Variants in NCOA3 observed in about 807,000 individuals in gnomAD.
NCOA3 encodes the protein CBP-interacting protein.
Under a neutral mutation model 158.8 loss-of-function variants are expected in NCOA3, and 51 were observed. The observed-to-expected ratio is 0.32, with a 90% CI of 0.26 to 0.41. The LOEUF (loss-of-function observed/expected upper bound fraction) is 0.41. NCOA3 is among the 10% of genes least tolerant of loss of function. The pLI is 1.00. For synonymous variants in NCOA3, 537 were observed against 592.4 expected (o/e 0.91, Z 1.36); for missense variants, 1,510 against 1,746.6 (o/e 0.86, Z 2.41).
rs2086563097 is a variant in NCOA3 at position 47,639,062 on chromosome 20, T to C, written c.2567T>C (p.Val856Ala). 2.5e-6 allele frequency: 4 copies of C among 1,614,198 alleles called. No homozygotes were observed. Among genetic ancestry groups the C allele is most frequent in the Non-Finnish European group, 3.4e-6 (4 of 1,180,036 alleles). The part of the protein sequence containing the change: ...QSIRPPYNRA[V>A]SLDSPVSVGS... ...ATTCGTCCTCCATATAACCGAGCAGTGTCTCTGGATAGCCCTGTTTCTGTT... is the reference window on the plus strand; with the variant it reads ...ATTCGTCCTCCATATAACCGAGCAGCGTCTCTGGATAGCCCTGTTTCTGTT... Residue 856 changes from valine to alanine, a missense_variant, in exon 14 of 23, where the codon GTG becomes GCG. Around this residue, in one of 4 missense-constraint regions of NCOA3, gnomAD observed 1,017 missense variants for 1,098.3 expected, o/e 0.93. Transcript: ENST00000371998.
chr20:47,603,499 C>T (rs1029504226), intron 2 of NCOA3, among the ~76,000 whole-genome samples: 8 of 152,208 alleles, frequency 5.3e-5, no homozygotes, highest in African/African-American at 1.9e-4. Flanking sequence ...TTTGCTTTGC[C>T]GACCATGGAC....
At chr20:47,534,233 T>C (rs2146113519) in intron 1 of NCOA3, among the ~76,000 whole-genome samples, 1 of 151,082 alleles carries the variant, frequency 6.6e-6, no homozygotes, top group African/African-American at 2.4e-5. Context: ...TCTTTTATTG[T>C]GTCCTTCCTG....
chr20:47,653,136 C>T (rs760220501), intron 22 of NCOA3, 64 bp downstream of exon 22: 4 of 1,550,114 alleles, frequency 2.6e-6, no homozygotes, highest in Non-Finnish European at 3.5e-6. Context: ...GAACTAAAGC[C>T]TAGGCTATAA....
At chr20:47,578,640 C>T (rs375254994) in intron 1 of NCOA3, among the ~76,000 whole-genome samples, 2 of 152,198 alleles carry the variant, frequency 1.3e-5, no homozygotes, top group African/African-American at 4.8e-5. Context: ...TAAATAATCC[C>T]AACTGCAAAA....
At chr20:47,534,030 A>G (rs1238738291) in intron 1 of NCOA3, among the ~76,000 whole-genome samples, 1 of 146,672 alleles carries the variant, frequency 6.8e-6, no homozygotes, top group Non-Finnish European at 1.5e-5. Flanking sequence ...TTATGGCAAG[A>G]GAGGTGATAA....
rs6018553 is a variant in NCOA3 at position 47,567,861 on chromosome 20, G to A, written c.-98-15322G>A. ...GCTGGGATTACAGGTGTGAGCCACC[G>A]TGCCAGGCCAATTATTTTACTTTCT... On this transcript the variant is annotated intron_variant, in intron 1 of 22. Transcript: ENST00000371998. Among the ~76,000 whole-genome samples the A allele has an allele frequency of 7.3e-3, 1,109 of 152,140 alleles. 23 individuals are homozygous for A. The highest frequency in any genetic ancestry group is 0.025 in the African/African-American group (1,052 of 41,494).
chr20:47,529,046 C>T (rs139987313), intron 1 of NCOA3, among the ~76,000 whole-genome samples: 9,231 of 151,952 alleles, frequency 0.061, 364 homozygotes, highest in Non-Finnish European at 0.089. Context: ...GGATTACAGG[C>T]GTGAGCCACT....
rs1004007733 is a variant in NCOA3 at position 47,558,248 on chromosome 20, T to A, written c.-98-24935T>A. 1.0e-3 allele frequency among the ~76,000 whole-genome samples: 146 copies of A among 141,790 alleles called. 1 individual carries two copies. The highest frequency in any genetic ancestry group is 3.5e-3 in the Middle Eastern group (1 of 288). The allele number at this position is 141,790 out of a possible 152,430, so 93.0% of individuals were successfully genotyped here. A position where few individuals can be genotyped will look rare whatever the true frequency, so the allele number is the denominator to read the frequency against. Reference sequence around the variant, plus strand: ...TAATTTTGTATTTTTTTTTTTTTTTTTTTTTTTTTTTTTAGTAGAGATGGG... The same window carrying A: ...TAATTTTGTATTTTTTTTTTTTTTTATTTTTTTTTTTTTAGTAGAGATGGG... On this transcript the variant is annotated intron_variant, in intron 1 of 22. Transcript: ENST00000371998.
chr20:47,646,587 A>G, intron 17 of NCOA3, among the ~76,000 whole-genome samples: 1 of 152,214 alleles, frequency 6.6e-6, no homozygotes, highest in Admixed American at 6.5e-5. Flanking sequence ...TCACCAGCGG[A>G]TGAGAGCACC....
At chr20:47,644,759 G>A (rs1043413512) in intron 17 of NCOA3, among the ~76,000 whole-genome samples, 13 of 151,858 alleles carry the variant, frequency 8.6e-5, no homozygotes, top group Admixed American at 2.0e-4. Context: ...GTGCAGAAGC[G>A]TGATCTCGGC....
rs1474378909 is a variant in NCOA3, at chr20:47,636,142, C to T, written c.1756C>T (p.Gln586Ter). 3 of 1,614,160 alleles carry T rather than the reference C, an allele frequency of 1.9e-6. No homozygotes were observed. The highest frequency in any genetic ancestry group is 2.5e-6 in the Non-Finnish European group (3 of 1,180,036). The change falls in exon 12 of 23, where the codon CAG becomes TAG. Residue 586 changes from glutamine (Q) to a stop codon, truncating the protein, a stop_gained. Coordinates refer to ENST00000371998, the MANE Select transcript of NCOA3 (RefSeq NM_181659.3). LOFTEE classifies it high-confidence loss of function. ...AAATCCAGTGGAGAGTTCAATGTGT[C>T]AGTCAAATAGCAGAGATCACCTCAG... is the stretch of plus-strand genomic sequence containing the variant. The part of the protein sequence containing the change: ...DQNPVESSMC[Q>*]SNSRDHLSDK...
intron 1 of NCOA3, among the ~76,000 whole-genome samples, chr20:47,524,647 G>C (rs946271111): frequency 5.3e-5 from 8 of 152,190 alleles, no homozygotes; most frequent in African/African-American, 1.9e-4. Context: ...AAGCTCCCTG[G>C]TACAGAGACA....
At chr20:47,614,509 C>G (rs1053414310) in intron 2 of NCOA3, among the ~76,000 whole-genome samples, 3 of 152,156 alleles carry the variant, frequency 2.0e-5, no homozygotes, top group African/African-American at 7.2e-5. Flanking sequence ...TCAAGAAATA[C>G]ACCAAACCTC....
chr20:47,588,427 G>T (rs1054314494), intron 2 of NCOA3, among the ~76,000 whole-genome samples: 1 of 148,386 alleles, frequency 6.7e-6, no homozygotes, highest in African/African-American at 2.5e-5. Flanking sequence ...GAGCCACCAC[G>T]CCCGACCTCC....
chr20:47,608,585 G>A (rs1250152465), intron 2 of NCOA3, among the ~76,000 whole-genome samples: 2 of 147,200 alleles, frequency 1.4e-5, no homozygotes, highest in African/African-American at 5.1e-5. Flanking sequence ...GCTACAGTGA[G>A]CCGTGATCAC....
intron 1 of NCOA3, among the ~76,000 whole-genome samples, chr20:47,536,280 T>C (rs749515976): frequency 5.9e-5 from 9 of 152,156 alleles, no homozygotes; most frequent in Non-Finnish European, 1.3e-4. Context: ...GCCCAGCTAA[T>C]ATGATAAAAT....
Position 47,525,721 on chromosome 20 carries a change from CCCA to C in NCOA3, c.-99+23705_-99+23707del, listed in dbSNP as rs1436644926. Among the ~76,000 whole-genome samples the C allele has an allele frequency of 2.2e-5, 3 of 133,490 alleles. No homozygotes were observed. The East Asian group carries it at 6.8e-4, about 30-fold the overall frequency. 87.6% of individuals were successfully genotyped at this position (133,490 alleles called of 152,430 possible). ...GCTGGCCGGGCGGGGGGCTGACCCCCCCACCTCCATCCCGGAGGGGGCGGCTGG... is the reference window on the plus strand; with the variant it reads ...GCTGGCCGGGCGGGGGGCTGACCCCCCCTCCATCCCGGAGGGGGCGGCTGG... On this transcript the variant is annotated intron_variant, in intron 1 of 22. Coordinates refer to ENST00000371998, the MANE Select transcript of NCOA3 (RefSeq NM_181659.3).
At chr20:47,502,573 A>C (rs577349189) in intron 1 of NCOA3, among the ~76,000 whole-genome samples, 6 of 151,526 alleles carry the variant, frequency 4.0e-5, no homozygotes, top group South Asian at 2.1e-4. Context: ...CGGAATTTTC[A>C]TGTTGGGCTC....
chr20:47,651,029 G>C lies in NCOA3; in HGVS notation c.3699G>C (p.Leu1233=). 6.2e-7 allele frequency: 1 copy of C among 1,614,166 alleles called. No individual in the cohort carries two copies. Among genetic ancestry groups the C allele is most frequent in the East Asian group, 2.2e-5 (1 of 44,888 alleles). ...AQMVAQRSRE[L]LSHHFRQQRV... ...TGGTCGCCCAACGCAGCAGAGAGCT[G>C]CTAAGTCATCACTTCCGACAACAGA... The change falls in exon 20 of 23, where the codon CTG becomes CTC. Residue 1233 remains leucine (L), a synonymous_variant. Transcript: ENST00000371998.
Sources: allele counts gnomAD v4.1 joint callset (sites outside exome capture counted in the v4.1 genomes callset), GRCh38; gene constraint gnomAD v4.1.1; regional missense constraint gnomAD v4.1.1; transcripts MANE v1.5; gene names NCBI Gene and HGNC (gene_info 2026-07-23, HGNC 2026-07-21).